PHC2: variants seen among roughly 807,000 people sequenced by gnomAD.
PHC2 encodes the protein polyhomeotic-like protein 2.
Under a neutral mutation model 87.4 loss-of-function variants are expected in PHC2, and 29 were observed. The ratio of observed to expected loss-of-function variants is 0.33; its 90% confidence interval spans 0.25 to 0.45. PHC2 has a LOEUF of 0.45. Ranked by LOEUF, PHC2 falls within the 20% of genes least tolerant of loss-of-function variation. The pLI, the probability that PHC2 is intolerant of heterozygous loss-of-function variation, is 1.00. For missense variants in PHC2, 857 were observed against 1,136.7 expected, an observed-to-expected ratio of 0.75 and a Z score of 3.54; for synonymous variants, 438 against 461.7, an observed-to-expected ratio of 0.95 and a Z score of 0.66.
At chr1:33,335,089 A>G (rs1333615812) in intron 9 of PHC2, 1 of 556,072 alleles carries the variant, frequency 1.8e-6, no homozygotes, top group African/African-American at 2.0e-5. Flanking sequence ...AACCTTTCCT[A>G]ATTCTCCTTC....
At chr1:33,391,506 C>T (rs16835424) in intron 1 of PHC2, among the ~76,000 whole-genome samples, 14,904 of 152,044 alleles carry the variant, frequency 0.098, 1,031 homozygotes, top group East Asian at 0.28. Flanking sequence ...AATCACTGTA[C>T]GGGACTGTAT....
intron 9 of PHC2, among the ~76,000 whole-genome samples, chr1:33,350,712 C>T (rs1646955585): frequency 6.6e-6 from 1 of 150,510 alleles, no homozygotes; most frequent in African/African-American, 2.4e-5. Context: ...CCTTTCTTCT[C>T]CCCCCACCCC....
rs1355787172 is a variant in PHC2, at chr1:33,369,680, C to T, written c.576+741G>A. Among the ~76,000 whole-genome samples, 2 of 152,124 alleles carry T rather than the reference C, an allele frequency of 1.3e-5. No homozygotes were observed. Among genetic ancestry groups the T allele is most frequent in the Non-Finnish European group, 2.9e-5 (2 of 68,012 alleles). ...GGGAGGGGTGGGACTGTGTTACTTTCGGGATAGTGTGTCAAGAGCCCGAAG... is the reference window on the plus strand; with the variant it reads ...GGGAGGGGTGGGACTGTGTTACTTTTGGGATAGTGTGTCAAGAGCCCGAAG... On this transcript the variant is annotated intron_variant, in intron 5 of 14. Transcript: ENST00000683057. The surrounding 1 kb of genome is among the most constrained non-coding windows in gnomAD (Gnocchi z 4.7).
intron 9 of PHC2, chr1:33,345,466 C>T (rs1419483563): frequency 6.3e-5 from 48 of 756,618 alleles, no homozygotes; most frequent in Non-Finnish European, 7.6e-5. Flanking sequence ...GAAAGCATAT[C>T]CTTTTTCACT....
chr1:33,349,582 C>A lies in PHC2; in HGVS notation c.1558+4819G>T, dbSNP rs1444479151. On this transcript the variant is annotated intron_variant, in intron 9 of 14. Transcript: ENST00000683057. The surrounding 1 kb of genome is among the most constrained non-coding windows in gnomAD (Gnocchi z 4.2). ...TCCCTACTGGCGAGAACCCCTCCCC[C>A]GCCCCGGCACTGACCTGTCCAGGGC... is the stretch of plus-strand genomic sequence containing the variant. The A allele has an allele frequency of 4.1e-6, 4 of 983,574 alleles. No individual in the cohort carries two copies. In the African/African-American group the frequency reaches 5.3e-5, roughly 13 times the overall value. The allele number at this position is 983,574 out of a possible 1,614,324, so 60.9% of individuals were successfully genotyped here.
In PHC2 at chr1:33,355,125, CAGGCCGTGACTGCT is replaced by C. The variant is rs1017413331; in HGVS notation, c.1091_1104del (p.Gln364ArgfsTer5). ...TGGGGGTGGGGCTCAGCTTGGAGCA[CAGGCCGTGACTGCT>C]GGGGCGGCGGCTGCTGCTGTTGTGG... is the stretch of plus-strand genomic sequence containing the variant. On this transcript the variant is annotated frameshift_variant, in exon 8 of 15. Transcript: ENST00000683057. LOFTEE classifies it high-confidence loss of function. The C allele has an allele frequency of 2.5e-6, 4 of 1,611,138 alleles. No individual in the cohort carries two copies. Among genetic ancestry groups the C allele is most frequent in the Non-Finnish European group, 3.4e-6 (4 of 1,178,938 alleles).
At chr1:33,429,427 T>C (rs1396243512) in intron 1 of PHC2, among the ~76,000 whole-genome samples, 1 of 152,272 alleles carries the variant, frequency 6.6e-6, no homozygotes, top group Non-Finnish European at 1.5e-5. Context: ...TGTGGCTGCA[T>C]TCGCTGTTCC....
At chr1:33,347,479 G>C (rs1646865629) in intron 9 of PHC2, 1 of 985,260 alleles carries the variant, frequency 1.0e-6, no homozygotes, top group Non-Finnish European at 1.2e-6. Context: ...ACCTGGGAGA[G>C]AGTGGAAAGG....
In PHC2 at chr1:33,370,572, G is replaced by A. The variant is rs1383699030; in HGVS notation, c.425C>T (p.Ala142Val). 2 of 1,612,818 alleles carry A rather than the reference G, an allele frequency of 1.2e-6. No homozygotes were observed. The highest frequency in any genetic ancestry group is 2.2e-5 in the South Asian group (2 of 90,976). ...PAQSSSINLA[A>V]SPAAAQLLNR... ...GAGGAGCTGGGCTGCTGCTGGGGAG[G>A]CTGCCAGGTTGATCTAATGAGAGAG... Residue 142 changes from alanine (A) to valine (V), a missense_variant, in exon 5 of 15, where the codon GCC becomes GTC. Ala to Val is a moderately conservative substitution (Grantham distance 64). This residue lies in a region of PHC2 where 832 missense variants were observed against 1,081.8 expected (regional missense o/e 0.77). Transcript: ENST00000683057.
At chr1:33,346,697 A>G (rs1168058342) in intron 9 of PHC2, 15 of 985,394 alleles carry the variant, frequency 1.5e-5, no homozygotes, top group Non-Finnish European at 1.8e-5. Context: ...ATGCTGGATG[A>G]AAGTGAGGAG....
chr1:33,403,123 C>CTTTT lies in PHC2; in HGVS notation c.-54-27534_-54-27531dup, dbSNP rs34887101. 3.9e-4 allele frequency among the ~76,000 whole-genome samples: 29 copies of CTTTT among 74,646 alleles called. 1 individual carries two copies. Among genetic ancestry groups the CTTTT allele is most frequent in the South Asian group, 5.8e-4 (1 of 1,718 alleles). The allele number at this position is 74,646 out of a possible 152,430, so 49.0% of individuals were successfully genotyped here. A position where few individuals can be genotyped will look rare whatever the true frequency, so the allele number is the denominator to read the frequency against. ...GGCGTGAGCCACTGCGCCCGGCCCACTTTTTTTTTTTTTTTTTTTTTTGAG... is the reference window on the plus strand; with the variant it reads ...GGCGTGAGCCACTGCGCCCGGCCCACTTTTTTTTTTTTTTTTTTTTTTTTTTGAG... On this transcript the variant is annotated intron_variant, in intron 1 of 14. Coordinates refer to ENST00000683057, the MANE Select transcript of PHC2 (RefSeq NM_001385109.1).
chr1:33,344,634 C>T (rs1194252855), intron 9 of PHC2, among the ~76,000 whole-genome samples: 3 of 152,110 alleles, frequency 2.0e-5, no homozygotes, highest in African/African-American at 4.8e-5. Flanking sequence ...GATGAGGCCT[C>T]GCTCTGTCAC....
intron 9 of PHC2, chr1:33,347,694 T>A (rs1030020253): frequency 5.1e-6 from 5 of 985,438 alleles, no homozygotes; most frequent in Non-Finnish European, 4.8e-6. Flanking sequence ...AGGAAAAAGA[T>A]GTCTATTCTT....
intron 13 of PHC2, among the ~76,000 whole-genome samples, chr1:33,329,361 C>G (rs1646439298): frequency 1.3e-5 from 2 of 152,236 alleles, no homozygotes; most frequent in Non-Finnish European, 2.9e-5. Flanking sequence ...CTGCAATTAT[C>G]TTTTTCTAAA....
In PHC2 at chr1:33,351,951, C is replaced by CAAA. The variant is rs10718909; in HGVS notation, c.1558+2447_1558+2449dup. Among the ~76,000 whole-genome samples, 698 of 87,228 alleles carry CAAA rather than the reference C, an allele frequency of 8.0e-3. 14 individuals carry two copies. Among genetic ancestry groups the CAAA allele is most frequent in the African/African-American group, 0.03 (629 of 20,758 alleles). The allele number at this position is 87,228 out of a possible 152,430, so 57.2% of individuals were successfully genotyped here. On this transcript the variant is annotated intron_variant, in intron 9 of 14. Coordinates refer to ENST00000683057, the MANE Select transcript of PHC2 (RefSeq NM_001385109.1). ...TGGGCGACAGAGTAAGAATGCATCTCAAAAAAAAAAAAAAAAAAAAAGACA... is the reference window on the plus strand; with the variant it reads ...TGGGCGACAGAGTAAGAATGCATCTCAAAAAAAAAAAAAAAAAAAAAAAAGACA...
intron 7 of PHC2, among the ~76,000 whole-genome samples, chr1:33,358,449 T>A (rs926599543): frequency 2.0e-5 from 3 of 152,132 alleles, no homozygotes; most frequent in African/African-American, 7.2e-5. Context: ...TATTAATACA[T>A]CCTTAACTTT....
At chr1:33,407,171 C>T (rs1392083200) in intron 1 of PHC2, among the ~76,000 whole-genome samples, 1 of 152,150 alleles carries the variant, frequency 6.6e-6, no homozygotes, top group Non-Finnish European at 1.5e-5. Context: ...CAGATATTTT[C>T]AAGCTCATTA....
intron 7 of PHC2, among the ~76,000 whole-genome samples, chr1:33,362,367 AG>A (rs1193365242): frequency 1.3e-5 from 2 of 152,276 alleles, no homozygotes; most frequent in Middle Eastern, 3.4e-3. Context: ...AAACTGGTAG[AG>A]GGGGCCTTTC....
chr1:33,370,323 G>C (rs1175475160), intron 5 of PHC2, 98 bp downstream of exon 5: 2 of 1,187,336 alleles, frequency 1.7e-6, no homozygotes, highest in South Asian at 1.4e-5. Context: ...CCTGCCCCTA[G>C]TGCTTCCTCC....
Sources: gnomAD v4.1 joint callset for allele counts (sites outside exome capture counted in the v4.1 genomes callset) on GRCh38, gnomAD v4.1.1 for gene constraint, gnomAD v4.1.1 regional missense constraint, Gnocchi (gnomAD v3.1) non-coding constraint, MANE v1.5 for transcripts, NCBI Gene and HGNC (gene_info 2026-07-23, HGNC 2026-07-21) for gene names.